Variants in VPS13B observed in about 807,000 individuals in gnomAD.
VPS13B encodes vacuolar protein sorting 13 homolog B.
Under a neutral mutation model 426.4 loss-of-function variants are expected in VPS13B, and 285 were observed. The observed-to-expected ratio is 0.67, with a 90% CI of 0.61 to 0.74. The LOEUF is 0.74. VPS13B is among the 30% of genes least tolerant of loss of function. VPS13B has a pLI of 0.00. For synonymous variants in VPS13B, 1,676 were observed against 1,676.4 expected, an observed-to-expected ratio of 1.00 and a Z score of 0.01; for missense variants, 4,537 against 4,782.6, an observed-to-expected ratio of 0.95 and a Z score of 1.51.
intron 23 of VPS13B, among the ~76,000 whole-genome samples, chr8:99,446,948 A>C (rs28548583): frequency 0.014 from 2,168 of 152,254 alleles, 52 homozygotes; most frequent in African/African-American, 0.048. Flanking sequence ...AAAATTTTAC[A>C]TAGGATATTC....
chr8:99,537,202 G>T (rs968294266), intron 30 of VPS13B, among the ~76,000 whole-genome samples: 1 of 151,774 alleles, frequency 6.6e-6, no homozygotes, highest in African/African-American at 2.4e-5. Context: ...AAATTTAGCA[G>T]CCTTTTTTGG....
intron 19 of VPS13B, among the ~76,000 whole-genome samples, chr8:99,331,717 G>A (rs551400010): frequency 4.0e-5 from 6 of 151,768 alleles, no homozygotes; most frequent in Admixed American, 1.3e-4. Context: ...TGTTGGTTTG[G>A]TGTAGGTTAA....
chr8:99,227,624 G>T (rs1373884209), intron 17 of VPS13B, among the ~76,000 whole-genome samples: 1 of 152,060 alleles, frequency 6.6e-6, no homozygotes, highest in African/African-American at 2.4e-5. Context: ...GCTGAATGAA[G>T]TTCAGTTTTA....
intron 3 of VPS13B, 82 bp downstream of exon 3, chr8:99,038,648 A>T: frequency 8.6e-7 from 1 of 1,165,144 alleles, no homozygotes; most frequent in Non-Finnish European, 1.3e-6. Context: ...AAATATGCCA[A>T]CTGTTACATA....
chr8:99,134,090 T>G (rs555136333), intron 8 of VPS13B, among the ~76,000 whole-genome samples: 27 of 152,366 alleles, frequency 1.8e-4, no homozygotes, highest in Middle Eastern at 3.4e-3. Context: ...AAGTATTTGT[T>G]GCATGATTGA....
chr8:99,278,472 C>T (rs1330654368), intron 19 of VPS13B, among the ~76,000 whole-genome samples: 1 of 152,150 alleles, frequency 6.6e-6, no homozygotes, highest in African/African-American at 2.4e-5. Flanking sequence ...TATTTGCTTA[C>T]AAATCAAAAC....
At chr8:99,680,571 A>T (rs1164688039) in intron 35 of VPS13B, among the ~76,000 whole-genome samples, 1 of 152,230 alleles carries the variant, frequency 6.6e-6, no homozygotes, top group Non-Finnish European at 1.5e-5. Context: ...ATTGGCAGGC[A>T]TGGGTTTACT....
At chr8:99,619,966 A>C (rs1204086735) in intron 33 of VPS13B, among the ~76,000 whole-genome samples, 1 of 151,710 alleles carries the variant, frequency 6.6e-6, no homozygotes, top group African/African-American at 2.4e-5. Flanking sequence ...AAGTAAATAT[A>C]GCTGTTATTA....
At chr8:99,223,664 T>G (rs944796097) in intron 17 of VPS13B, among the ~76,000 whole-genome samples, 1 of 152,144 alleles carries the variant, frequency 6.6e-6, no homozygotes, top group Non-Finnish European at 1.5e-5. Flanking sequence ...AGTAATAAAG[T>G]TGGTATACAA....
intron 17 of VPS13B, among the ~76,000 whole-genome samples, chr8:99,255,056 T>G (rs935598480): frequency 6.6e-6 from 1 of 151,186 alleles, no homozygotes; most frequent in Non-Finnish European, 1.5e-5. Flanking sequence ...TTTTTCCCTG[T>G]TTTTTTTTCT....
At chr8:99,511,646 G>A in intron 29 of VPS13B, 134 bp downstream of exon 29, 1 of 856,670 alleles carries the variant, frequency 1.2e-6, no homozygotes, top group Non-Finnish European at 1.8e-6. Context: ...ATTTTATAGA[G>A]AGGAAATATA....
intron 4 of VPS13B, among the ~76,000 whole-genome samples, chr8:99,097,899 G>A (rs1846515160): frequency 6.6e-6 from 1 of 152,076 alleles, no homozygotes; most frequent in South Asian, 2.1e-4. Flanking sequence ...TCAAAATTTT[G>A]TTTTAGTAGA....
intron 19 of VPS13B, among the ~76,000 whole-genome samples, chr8:99,353,377 C>A (rs982884708): frequency 6.6e-6 from 1 of 152,156 alleles, no homozygotes. Flanking sequence ...AGGAAAATTG[C>A]ATGACTGAAA....
At chr8:99,450,823 A>G (rs922774314) in intron 23 of VPS13B, among the ~76,000 whole-genome samples, 6 of 152,104 alleles carry the variant, frequency 3.9e-5, no homozygotes, top group African/African-American at 1.2e-4. Context: ...TGGGATTCCA[A>G]ATTTCTATTA....
At chr8:99,871,290 C>A in intron 60 of VPS13B, 158 bp from the exon 61 acceptor site, 1 of 1,145,844 alleles carries the variant, frequency 8.7e-7, no homozygotes, top group Non-Finnish European at 1.3e-6. Flanking sequence ...CAGAATCAGT[C>A]TGAGAACTGA....
intron 37 of VPS13B, 136 bp downstream of exon 37, chr8:99,717,509 A>C: frequency 1.2e-6 from 1 of 822,830 alleles, no homozygotes; most frequent in East Asian, 2.7e-5. Context: ...TTAAATTTTC[A>C]ACAACTTTAT....
In VPS13B at chr8:99,876,094, C is replaced by CTATT. The variant is rs1316569495; in HGVS notation, c.*429_*432dup. On this transcript the variant is annotated 3_prime_UTR_variant, in exon 62 of 62. Coordinates refer to ENST00000357162, the MANE Select transcript of VPS13B (RefSeq NM_152564.5). ...AATCTCTACTGTAATTAATTTGGGT[C>CTATT]TATTATTAACTCTCTGTTCCATCAT... is the stretch of plus-strand genomic sequence containing the variant. 5 of 212,588 alleles carry CTATT rather than the reference C, an allele frequency of 2.4e-5. No individual in the cohort carries two copies. The highest frequency in any genetic ancestry group is 4.8e-5 in the Non-Finnish European group (5 of 105,166). 13.2% of individuals were successfully genotyped at this position (212,588 alleles called of 1,614,324 possible). A position where few individuals can be genotyped will look rare whatever the true frequency, so the allele number is the denominator to read the frequency against.
intron 61 of VPS13B, 66 bp downstream of exon 61, chr8:99,871,763 C>A: frequency 6.2e-7 from 1 of 1,608,688 alleles, no homozygotes; most frequent in Non-Finnish European, 8.5e-7. Context: ...AGGCTGGTCA[C>A]TGGTACCTAG....
At chr8:99,032,527 CTTTTCTTTTTTTT>C (rs914857428) in intron 2 of VPS13B, among the ~76,000 whole-genome samples, 4 of 146,394 alleles carry the variant, frequency 2.7e-5, no homozygotes, top group Non-Finnish European at 6.0e-5. Context: ...TTCTTTCTTT[CTTTTCTTTTTTTT>C]TTTTTTTGAG....
Sources: allele counts gnomAD v4.1 joint callset (sites outside exome capture counted in the v4.1 genomes callset), GRCh38; gene constraint gnomAD v4.1.1; transcripts MANE v1.5; gene names NCBI Gene and HGNC (gene_info 2026-07-23, HGNC 2026-07-21).